The following NPLOC4 variants were observed in gnomAD, a reference collection of about 807,000 sequenced individuals.
NPLOC4 encodes the protein NPL4 homolog, ubiquitin recognition factor.
Under a neutral mutation model 80.6 loss-of-function variants are expected in NPLOC4, and 18 were observed. That is an observed-to-expected ratio of 0.22 (90% confidence interval 0.15 to 0.33). The LOEUF is 0.33. Ranked by LOEUF, NPLOC4 falls within the 10% of genes least tolerant of loss-of-function variation. The pLI is 1.00. For synonymous variants in NPLOC4, 313 were observed against 301.5 expected (o/e 1.04, Z -0.39); for missense variants, 540 against 786.1 (o/e 0.69, Z 3.74).
Position 81,587,559 on chromosome 17 carries a change from C to G in NPLOC4, c.1281+1385G>C, listed in dbSNP as rs11867370. Among the ~76,000 whole-genome samples, 1,328 of 148,562 alleles carry G rather than the reference C, an allele frequency of 8.9e-3. 30 individuals carry two copies. Among genetic ancestry groups the G allele is most frequent in the African/African-American group, 0.032 (1,282 of 40,202 alleles). ...CTCGATCTCCTGACCTTGTGATCCG[C>G]CCGCCTCAGCCTCCGAAAGGGCTGG... is the stretch of plus-strand genomic sequence containing the variant. On this transcript the variant is annotated intron_variant, in intron 12 of 16. Coordinates refer to ENST00000331134, the MANE Select transcript of NPLOC4 (RefSeq NM_017921.4).
intron 2 of NPLOC4, among the ~76,000 whole-genome samples, chr17:81,627,774 A>G (rs2035833255): frequency 1.3e-5 from 2 of 152,038 alleles, no homozygotes; most frequent in Non-Finnish European, 2.9e-5. Flanking sequence ...GTCTCAAAAA[A>G]CAAAAACAAA....
At position 81,572,717 on chromosome 17, in the gene NPLOC4, C is replaced by T. The variant is rs1390417795; in HGVS notation, c.1282-629G>A. 3.3e-5 allele frequency among the ~76,000 whole-genome samples: 5 copies of T among 152,220 alleles called. No homozygotes were observed. Among genetic ancestry groups the T allele is most frequent in the South Asian group, 2.1e-4 (1 of 4,830 alleles). On this transcript the variant is annotated intron_variant, in intron 12 of 16. Transcript: ENST00000331134. The surrounding 1 kb of genome is among the most constrained non-coding windows in gnomAD (Gnocchi z 4.5). ...TGGCCTGGCACTCAGGCGCGATCTG[C>T]GACAGGCAGAAGGGTCTGCGTTCCC...
rs1033552584 is a variant in NPLOC4, at chr17:81,577,271, G to A, written c.1282-5183C>T. Among the ~76,000 whole-genome samples, 4 of 151,748 alleles carry A rather than the reference G, an allele frequency of 2.6e-5. No individual in the cohort carries two copies. The highest frequency in any genetic ancestry group is 1.3e-4 in the Admixed American group (2 of 15,244). ...GTAGTCCTCGCCAGACTGCCTGTCC[G>A]CACAGCTCTCCAGACAGAGGACCCC... On this transcript the variant is annotated intron_variant, in intron 12 of 16. Transcript: ENST00000331134. The surrounding 1 kb of genome is among the most constrained non-coding windows in gnomAD (Gnocchi z 4.3).
At chr17:81,626,649 A>G (rs966964715) in intron 2 of NPLOC4, among the ~76,000 whole-genome samples, 10 of 152,158 alleles carry the variant, frequency 6.6e-5, no homozygotes, top group African/African-American at 1.4e-4. Flanking sequence ...CCTAGACAAC[A>G]TGGTGAAACC....
At chr17:81,585,714 GTAATCCCAGCATCTA>G (rs374243889) in intron 12 of NPLOC4, among the ~76,000 whole-genome samples, 7 of 149,426 alleles carry the variant, frequency 4.7e-5, no homozygotes, top group African/African-American at 1.8e-4. Context: ...GCTCACATCT[GTAATCCCAGCATCTA>G]TAATCCCAGC....
intron 11 of NPLOC4, among the ~76,000 whole-genome samples, chr17:81,593,242 A>T (rs2034798462): frequency 6.6e-6 from 1 of 152,030 alleles, no homozygotes; most frequent in Non-Finnish European, 1.5e-5. Flanking sequence ...AAGCTGAGGC[A>T]AGGGCACACT....
At chr17:81,635,271 G>A (rs556317226) in intron 1 of NPLOC4, among the ~76,000 whole-genome samples, 44 of 151,350 alleles carry the variant, frequency 2.9e-4, no homozygotes, top group African/African-American at 9.0e-4. Context: ...CCCGAGAGGC[G>A]GAGGTTGCAG....
Position 81,565,292 on chromosome 17 carries a change from G to A in NPLOC4, c.1669+213C>T, listed in dbSNP as rs771016595. The A allele has an allele frequency of 1.6e-4, 113 of 701,956 alleles. 1 individual carries two copies. Among genetic ancestry groups the A allele is most frequent in the South Asian group, 8.4e-4 (57 of 67,554 alleles). The allele number at this position is 701,956 out of a possible 1,614,324, so 43.5% of individuals were successfully genotyped here. A position where few individuals can be genotyped will look rare whatever the true frequency, so the allele number is the denominator to read the frequency against. On this transcript the variant is annotated intron_variant, in intron 16 of 16. Transcript: ENST00000331134. ...ATTTACAGGGCTGTGTACCTAAGAC[G>A]TACGGCCTGGACAACATGTCTGCTC...
chr17:81,589,403 C>T (rs565579116), intron 11 of NPLOC4, among the ~76,000 whole-genome samples: 5 of 152,108 alleles, frequency 3.3e-5, no homozygotes, highest in Non-Finnish European at 7.4e-5. Flanking sequence ...GTGGCGGGCG[C>T]CTGTAGTCCC....
intron 2 of NPLOC4, among the ~76,000 whole-genome samples, chr17:81,624,111 C>T (rs772170490): frequency 6.6e-6 from 1 of 152,006 alleles, no homozygotes; most frequent in African/African-American, 2.4e-5. Context: ...ATGGTGAAAC[C>T]CCATCTCTCC....
chr17:81,581,953 G>A (rs2034451830), intron 12 of NPLOC4, among the ~76,000 whole-genome samples: 1 of 152,202 alleles, frequency 6.6e-6, no homozygotes, highest in African/African-American at 2.4e-5. Context: ...ATCTCAAAAT[G>A]TCTCTGGGAC....
intron 11 of NPLOC4, among the ~76,000 whole-genome samples, chr17:81,589,344 C>A (rs1174771649): frequency 6.6e-6 from 1 of 151,902 alleles, no homozygotes; most frequent in Non-Finnish European, 1.5e-5. Flanking sequence ...TCCCGGATAA[C>A]ACGGTGAAAC....
intron 12 of NPLOC4, among the ~76,000 whole-genome samples, chr17:81,581,348 CAAAAAAAAAAAAAA>C (rs1169351301): frequency 0.012 from 102 of 8,480 alleles, 7 homozygotes; most frequent in Non-Finnish European, 0.023. Flanking sequence ...GACTCCAACG[CAAAAAAAAAAAAAA>C]AAAAAAAAAA....
At chr17:81,574,861 C>CCAAA (rs201438094) in intron 12 of NPLOC4, among the ~76,000 whole-genome samples, 35 of 145,878 alleles carry the variant, frequency 2.4e-4, no homozygotes, top group East Asian at 2.2e-3. Context: ...AAGACTGTCT[C>CCAAA]CAAACAAACA....
intron 16 of NPLOC4, chr17:81,564,315 G>C (rs1180893704): frequency 2.5e-5 from 4 of 158,568 alleles, no homozygotes; most frequent in African/African-American, 9.7e-5. Flanking sequence ...CCAAGAATTA[G>C]CTGGGTGTGG....
intron 10 of NPLOC4, 112 bp downstream of exon 10, chr17:81,597,133 T>C (rs1263096906): frequency 6.7e-6 from 5 of 740,858 alleles, no homozygotes; most frequent in African/African-American, 3.6e-5. Context: ...AATAAATAAA[T>C]AATGGGGCCT....
chr17:81,595,529 TATATA>T (rs1568139858), intron 11 of NPLOC4, among the ~76,000 whole-genome samples: 1 of 99,854 alleles, frequency 1.0e-5, no homozygotes, highest in African/African-American at 3.3e-5. Context: ...TACATATATA[TATATA>T]TTTTTTTTTT....
At position 81,606,754 on chromosome 17, in the gene NPLOC4, G is replaced by A. The variant is rs369659340; in HGVS notation, c.591C>T (p.His197=). Residue 197 remains histidine, a synonymous_variant, in exon 7 of 17, where the codon CAC becomes CAT. Transcript: ENST00000331134. Reference sequence around the variant, plus strand: ...TACAGATGCCATTCGGCCACGGGAGGTGCCCCTCGCACCCTGACTTAATCT... The same window carrying A: ...TACAGATGCCATTCGGCCACGGGAGATGCCCCTCGCACCCTGACTTAATCT... ...SCKIKSGCEG[H]LPWPNGICTK... 235 of 1,613,690 alleles carry A rather than the reference G, an allele frequency of 1.5e-4. No individual in the cohort carries two copies. The highest frequency in any genetic ancestry group is 1.9e-4 in the Non-Finnish European group (221 of 1,179,870).
intron 12 of NPLOC4, among the ~76,000 whole-genome samples, chr17:81,578,930 A>G (rs888754558): frequency 6.6e-6 from 1 of 152,198 alleles, no homozygotes; most frequent in Admixed American, 6.5e-5. Context: ...TTCCATATTT[A>G]TTTATTTAGA....
Sources: allele counts gnomAD v4.1 joint callset (sites outside exome capture counted in the v4.1 genomes callset), GRCh38; gene constraint gnomAD v4.1.1; non-coding constraint Gnocchi (gnomAD v3.1); transcripts MANE v1.5; gene names NCBI Gene and HGNC (gene_info 2026-07-23, HGNC 2026-07-21).